COL5A2: variants seen among roughly 807,000 people sequenced by gnomAD.
The protein encoded by COL5A2 is collagen alpha-2(V) chain.
COL5A2 carries 23 observed loss-of-function variants against 208.2 expected under a neutral mutation model. That is an observed-to-expected ratio of 0.11 (90% CI 0.08 to 0.16). The LOEUF is 0.16. Among genes scored for constraint, COL5A2 ranks in the 10% least tolerant of loss-of-function variants. The pLI is 1.00. For synonymous variants in COL5A2, 625 were observed against 628.5 expected (o/e 0.99, Z 0.08); for missense variants, 1,590 against 1,956.4 (o/e 0.81, Z 3.53).
chr2:189,265,281 A>C, the COL5A2 span, among the ~76,000 whole-genome samples: 5 of 152,256 alleles, frequency 3.3e-5, no homozygotes, highest in East Asian at 9.6e-4. Context: ...ACAACAACAG[A>C]TATTTATTCT....
At chr2:189,321,833 G>C in the COL5A2 span, among the ~76,000 whole-genome samples, 1 of 152,200 alleles carries the variant, frequency 6.6e-6, no homozygotes, top group East Asian at 1.9e-4. Flanking sequence ...AGACCTAATA[G>C]ACATCTACAG....
intron 1 of COL5A2, among the ~76,000 whole-genome samples, chr2:189,125,066 C>T (rs565923111): frequency 1.3e-5 from 2 of 152,036 alleles, no homozygotes; most frequent in South Asian, 4.2e-4. Context: ...TGGAATTTTA[C>T]GGGCTAAATA....
chr2:189,375,837 T>C, the COL5A2 span, among the ~76,000 whole-genome samples: 167 of 152,338 alleles, frequency 1.1e-3, no homozygotes, highest in African/African-American at 3.6e-3. Context: ...TATTAGCATG[T>C]TAACAAAGTT....
At chr2:189,087,047 C>T (rs1189042183) in intron 8 of COL5A2, among the ~76,000 whole-genome samples, 5 of 152,168 alleles carry the variant, frequency 3.3e-5, no homozygotes, top group African/African-American at 1.2e-4. Context: ...AGAACACTTG[C>T]ATGTTTAATG....
At chr2:189,334,016 T>C in the COL5A2 span, among the ~76,000 whole-genome samples, 1 of 151,512 alleles carries the variant, frequency 6.6e-6, no homozygotes, top group Non-Finnish European at 1.5e-5. Flanking sequence ...AATTAAGATA[T>C]AATACAGTAA....
At chr2:189,335,894 A>T in the COL5A2 span, among the ~76,000 whole-genome samples, 1 of 152,144 alleles carries the variant, frequency 6.6e-6, no homozygotes, top group Non-Finnish European at 1.5e-5. Flanking sequence ...CACTTTAAAG[A>T]GTGAATTTGA....
the COL5A2 span, among the ~76,000 whole-genome samples, chr2:189,423,571 A>G: frequency 6.6e-6 from 1 of 152,158 alleles, no homozygotes; most frequent in African/African-American, 2.4e-5. Context: ...AATACAAAGG[A>G]TAATAAGAGA....
At chr2:189,330,458 C>T in the COL5A2 span, among the ~76,000 whole-genome samples, 1 of 152,156 alleles carries the variant, frequency 6.6e-6, no homozygotes. Flanking sequence ...AAAAGCAAAG[C>T]TGCAAAACCC....
At chr2:189,117,739 T>C (rs1687421833) in intron 1 of COL5A2, among the ~76,000 whole-genome samples, 1 of 152,014 alleles carries the variant, frequency 6.6e-6, no homozygotes, top group African/African-American at 2.4e-5. Flanking sequence ...ACTCTTTTTT[T>C]TTTTTCTTTT....
intron 23 of COL5A2, 30 bp from the exon 24 acceptor site, chr2:189,065,087 TG>T: frequency 6.2e-7 from 1 of 1,607,668 alleles, no homozygotes; most frequent in Non-Finnish European, 8.5e-7. Flanking sequence ...GATTCTTAAT[TG>T]TTGTTGATAT....
intron 32 of COL5A2, 83 bp downstream of exon 32, chr2:189,058,766 T>A: frequency 1.6e-6 from 2 of 1,263,300 alleles, no homozygotes; most frequent in Non-Finnish European, 2.3e-6. Flanking sequence ...TTAAAATAAA[T>A]CCCAGTTTAA....
intron 7 of COL5A2, among the ~76,000 whole-genome samples, chr2:189,090,405 A>C (rs1431090812): frequency 6.6e-6 from 1 of 152,226 alleles, no homozygotes. Context: ...TAAAAATGCA[A>C]AGTGAAGCAG....
At chr2:189,351,884 G>A in the COL5A2 span, among the ~76,000 whole-genome samples, 1 of 151,978 alleles carries the variant, frequency 6.6e-6, no homozygotes, top group Admixed American at 6.6e-5. Flanking sequence ...AGGTATACAC[G>A]TGCCATGGTG....
intron 5 of COL5A2, among the ~76,000 whole-genome samples, chr2:189,098,147 C>T (rs1191436974): frequency 3.3e-5 from 5 of 152,030 alleles, no homozygotes; most frequent in Admixed American, 6.6e-5. Flanking sequence ...CATATAGCAT[C>T]GTTTAAAAGT....
chr2:189,073,148 C>T (rs980942617), intron 17 of COL5A2, among the ~76,000 whole-genome samples: 7 of 151,938 alleles, frequency 4.6e-5, no homozygotes, highest in Non-Finnish European at 1.0e-4. Context: ...ATTTTATGAT[C>T]GTTCAGTCTT....
the COL5A2 span, among the ~76,000 whole-genome samples, chr2:189,428,531 T>C: frequency 1.2e-4 from 19 of 152,234 alleles, no homozygotes; most frequent in African/African-American, 4.6e-4. Context: ...GGCAGGAGAA[T>C]TGCTTGAACC....
At chr2:189,385,364 A>G in the COL5A2 span, among the ~76,000 whole-genome samples, 1 of 152,120 alleles carries the variant, frequency 6.6e-6, no homozygotes, top group Non-Finnish European at 1.5e-5. Context: ...CAAGAATACA[A>G]TCCTATTTAT....
At chr2:189,436,410 G>C in the COL5A2 span, among the ~76,000 whole-genome samples, 1 of 152,064 alleles carries the variant, frequency 6.6e-6, no homozygotes, top group Non-Finnish European at 1.5e-5. Context: ...AGCATTAGGA[G>C]ATATACCTAA....
At chr2:189,359,997 T>G in the COL5A2 span, among the ~76,000 whole-genome samples, 1 of 152,164 alleles carries the variant, frequency 6.6e-6, no homozygotes, top group Non-Finnish European at 1.5e-5. Context: ...TGTTTATCTT[T>G]TCAAAACACC....
Sources: allele counts gnomAD v4.1 joint callset (sites outside exome capture counted in the v4.1 genomes callset), GRCh38; gene constraint gnomAD v4.1.1; transcripts MANE v1.5; gene names NCBI Gene and HGNC (gene_info 2026-07-23, HGNC 2026-07-21).